DIAPH2: variants seen among roughly 807,000 people sequenced by gnomAD.
DIAPH2 encodes the protein diaphanous related formin 2.
DIAPH2 carries 35 observed loss-of-function variants against 92.7 expected under a neutral mutation model. That is an observed-to-expected ratio of 0.38 (90% CI 0.29 to 0.50). The LOEUF is 0.50. DIAPH2 is among the 20% of genes least tolerant of loss of function. The pLI is 0.94. For missense variants in DIAPH2, 701 were observed against 819.5 expected, an observed-to-expected ratio of 0.86 and a Z score of 1.77; for synonymous variants, 301 against 280.4, an observed-to-expected ratio of 1.07 and a Z score of -0.73.
At chrX:97,360,497 G>A (rs917294564) in intron 24 of DIAPH2, among the ~76,000 whole-genome samples, 2 of 109,104 alleles carry the variant, frequency 1.8e-5, no homozygotes, top group African/African-American at 6.7e-5. Flanking sequence ...AGTGCCGGGC[G>A]CCTATAATCC....
intron 22 of DIAPH2, among the ~76,000 whole-genome samples, chrX:97,198,222 T>A (rs918747395): frequency 2.8e-5 from 3 of 106,192 alleles, no homozygotes; most frequent in Non-Finnish European, 5.8e-5. Context: ...ACCTAAAACG[T>A]TCCTGGTCAA....
intron 4 of DIAPH2, among the ~76,000 whole-genome samples, chrX:96,829,737 C>T (rs185683012): frequency 0.017 from 1,880 of 110,997 alleles, 34 homozygotes; most frequent in African/African-American, 0.058. Context: ...TCAGGCCATC[C>T]GCCTGCCTTG....
At chrX:97,583,187 C>T (rs2071452723) in intron 26 of DIAPH2, among the ~76,000 whole-genome samples, 2 of 112,413 alleles carry the variant, frequency 1.8e-5, no homozygotes, top group African/African-American at 6.5e-5. Flanking sequence ...CGAAGTCATT[C>T]TCTGTCCAGC....
At chrX:96,731,904 CATTGTA>C (rs1479566009) in intron 1 of DIAPH2, among the ~76,000 whole-genome samples, 6 of 111,794 alleles carry the variant, frequency 5.4e-5, no homozygotes, top group Non-Finnish European at 1.1e-4. Flanking sequence ...AATATGCCCT[CATTGTA>C]ATGAGCATGA....
intron 25 of DIAPH2, among the ~76,000 whole-genome samples, chrX:97,387,734 C>A (rs936515606): frequency 1.8e-5 from 2 of 111,709 alleles, no homozygotes; most frequent in Non-Finnish European, 3.8e-5. Context: ...ATAAAATTAA[C>A]GATCATGAGA....
At chrX:97,129,165 C>CTTTTCT (rs751043593) in intron 21 of DIAPH2, among the ~76,000 whole-genome samples, 1 of 68,910 alleles carries the variant, frequency 1.5e-5, no homozygotes, top group Admixed American at 1.9e-4. Flanking sequence ...CTTTTCTTTT[C>CTTTTCT]TTTCTTTTCT....
At chrX:97,396,843 T>G (rs2069709306) in intron 25 of DIAPH2, among the ~76,000 whole-genome samples, 2 of 111,632 alleles carry the variant, frequency 1.8e-5, no homozygotes, top group Admixed American at 1.9e-4. Flanking sequence ...ACTATCAGCC[T>G]TTCTCCCTCT....
intron 26 of DIAPH2, among the ~76,000 whole-genome samples, chrX:97,504,962 G>T (rs961682895): frequency 1.7e-4 from 19 of 111,459 alleles, no homozygotes; most frequent in Non-Finnish European, 5.6e-5. Flanking sequence ...TACATCACAC[G>T]GCTGTAATAA....
chrX:96,747,389 C>A (rs1602473662), intron 3 of DIAPH2, among the ~76,000 whole-genome samples: 1 of 111,794 alleles, frequency 8.9e-6, no homozygotes, highest in East Asian at 2.8e-4. Context: ...TTATGATTAA[C>A]CTCTAGCCAT....
intron 4 of DIAPH2, among the ~76,000 whole-genome samples, chrX:96,869,798 A>G (rs1240000674): frequency 2.7e-5 from 3 of 111,006 alleles, no homozygotes; most frequent in Non-Finnish European, 5.6e-5. Context: ...TGCTTATTAT[A>G]TACCAGACCT....
At chrX:97,225,291 T>G (rs898981145) in intron 22 of DIAPH2, among the ~76,000 whole-genome samples, 1 of 111,395 alleles carries the variant, frequency 9.0e-6, no homozygotes, top group African/African-American at 3.3e-5. Flanking sequence ...ATGTTTAAAT[T>G]CTAGAAACTT....
chrX:97,556,962 G>T (rs150763789), intron 26 of DIAPH2, among the ~76,000 whole-genome samples: 85 of 112,099 alleles, frequency 7.6e-4, no homozygotes, highest in African/African-American at 2.7e-3. Context: ...GTCTCAGGAA[G>T]CCCAAAATGT....
At chrX:96,780,401 TG>T (rs2064407617) in intron 4 of DIAPH2, among the ~76,000 whole-genome samples, 1 of 112,452 alleles carries the variant, frequency 8.9e-6, no homozygotes, top group Admixed American at 9.4e-5. Flanking sequence ...AAAATGTGTG[TG>T]TGTGTGCGTG....
chrX:97,233,119 C>T (rs1011027927), intron 22 of DIAPH2, among the ~76,000 whole-genome samples: 4 of 112,242 alleles, frequency 3.6e-5, no homozygotes, highest in Non-Finnish European at 7.5e-5. Flanking sequence ...GTTTGTTCCC[C>T]TCACTTCCTT....
chrX:97,328,889 A>G (rs947337790), intron 23 of DIAPH2, among the ~76,000 whole-genome samples: 7 of 111,799 alleles, frequency 6.3e-5, no homozygotes, highest in Non-Finnish European at 9.4e-5. Context: ...AGGAAGCACT[A>G]TACATCATTA....
chrX:96,887,610 AC>A (rs762770258), intron 5 of DIAPH2, among the ~76,000 whole-genome samples: 24 of 112,013 alleles, frequency 2.1e-4, no homozygotes, highest in Non-Finnish European at 3.4e-4. Context: ...TAATAATCTT[AC>A]TATGGTCATA....
chrX:97,471,709 A>AGG (rs2147810006), intron 26 of DIAPH2, among the ~76,000 whole-genome samples: 1 of 108,435 alleles, frequency 9.2e-6, no homozygotes, highest in South Asian at 4.1e-4. Context: ...AAAAAAAAAA[A>AGG]AAAGGAAAGA....
intron 17 of DIAPH2, among the ~76,000 whole-genome samples, chrX:97,012,484 A>G (rs186090096): frequency 2.4e-4 from 27 of 112,233 alleles, no homozygotes; most frequent in African/African-American, 8.7e-4. Flanking sequence ...CTTTGTCCAC[A>G]TGTATATCCC....
At chrX:97,382,292 A>G (rs1396755203) in intron 24 of DIAPH2, among the ~76,000 whole-genome samples, 1 of 112,157 alleles carries the variant, frequency 8.9e-6, no homozygotes, top group Non-Finnish European at 1.9e-5. Context: ...ATTGTAGTTT[A>G]TATAATTCAG....
Sources: allele counts gnomAD v4.1 joint callset (sites outside exome capture counted in the v4.1 genomes callset), GRCh38; gene constraint gnomAD v4.1.1; transcripts MANE v1.5; gene names NCBI Gene and HGNC (gene_info 2026-07-23, HGNC 2026-07-21).